The following TRMT9B variants were observed in gnomAD, a reference collection of about 807,000 sequenced individuals.
TRMT9B encodes tRNA methyltransferase 9B (putative), also known as probable tRNA methyltransferase 9B.
A neutral mutation model predicts 11.5 loss-of-function variants in TRMT9B; 16 were observed. That is an observed-to-expected ratio of 1.39 (90% CI 0.94 to 2.11). The LOEUF (loss-of-function observed/expected upper bound fraction) is 2.11. TRMT9B is among the 30% of genes most tolerant of loss of function. The pLI, the probability that TRMT9B is intolerant of heterozygous loss-of-function variation, is 0.00. For synonymous variants in TRMT9B, 274 were observed against 192.4 expected (o/e 1.42, Z -3.51); for missense variants, 941 against 553.8 (o/e 1.70, Z -7.02).
intron 1 of TRMT9B, among the ~76,000 whole-genome samples, chr8:12,966,073 C>T (rs1394356144): frequency 6.6e-6 from 1 of 151,382 alleles, no homozygotes; most frequent in Non-Finnish European, 1.5e-5. Context: ...CACCTATAAT[C>T]CGAGCACTTT....
At chr8:13,012,649 G>C in intron 3 of TRMT9B, 35 bp from the exon 4 acceptor site, 1 of 1,558,108 alleles carries the variant, frequency 6.4e-7, no homozygotes. Flanking sequence ...ATTTTCCATT[G>C]AGGATAGCAT....
rs1450568362 is a variant in TRMT9B at position 13,023,347 on chromosome 8, C to T, written c.*1303C>T. 1 of 167,088 alleles carries T rather than the reference C, an allele frequency of 6.0e-6. No individual in the cohort carries two copies. Among genetic ancestry groups the T allele is most frequent in the Non-Finnish European group, 1.5e-5 (1 of 68,128 alleles). The allele number at this position is 167,088 out of a possible 1,614,324, so 10.4% of individuals were successfully genotyped here. ...TTGGTAGAGGTATGACTTGGATTTG[C>T]TGTATCCTTTAAAATAGTATCTGGG... On this transcript the variant is annotated 3_prime_UTR_variant, in exon 5 of 5. Transcript: ENST00000524591.
At chr8:12,974,009 A>T (rs190452079) in intron 1 of TRMT9B, among the ~76,000 whole-genome samples, 2,819 of 151,906 alleles carry the variant, frequency 0.019, 40 homozygotes, top group Non-Finnish European at 0.026. Flanking sequence ...ATATATTAAA[A>T]TTTTTTTTTT....
At chr8:12,996,531 T>A (rs76842896) in intron 2 of TRMT9B, among the ~76,000 whole-genome samples, 9,591 of 152,278 alleles carry the variant, frequency 0.063, 386 homozygotes, top group African/African-American at 0.11. Context: ...TCACCTGATC[T>A]TTGAACCCAG....
At chr8:13,007,999 T>C (rs1303452075) in intron 3 of TRMT9B, among the ~76,000 whole-genome samples, 1 of 152,238 alleles carries the variant, frequency 6.6e-6, no homozygotes, top group Non-Finnish European at 1.5e-5. Flanking sequence ...TTACATTTCA[T>C]ATATGTATCA....
In TRMT9B at chr8:13,025,110, A is replaced by C. The variant is rs1209338025; in HGVS notation, c.*3066A>C. The C allele has an allele frequency of 1.2e-5, 2 of 166,942 alleles. No individual in the cohort carries two copies. The highest frequency in any genetic ancestry group is 2.9e-5 in the Non-Finnish European group (2 of 68,114). 10.3% of individuals were successfully genotyped at this position (166,942 alleles called of 1,614,324 possible). ...TCTGATCACTTACTTCCTTATTAAT[A>C]CTAGATCACACAGTGTCTTTCTTAT... On this transcript the variant is annotated 3_prime_UTR_variant, in exon 5 of 5. Transcript: ENST00000524591.
At chr8:12,976,063 A>G (rs2128870707) in intron 1 of TRMT9B, among the ~76,000 whole-genome samples, 1 of 152,352 alleles carries the variant, frequency 6.6e-6, no homozygotes, top group South Asian at 2.1e-4. Context: ...ATAGAAAGCC[A>G]GAGAACTAGA....
rs571340671 is a variant in TRMT9B, at chr8:12,996,382, T to C, written c.-2+5351T>C. ...ATGGACTCTATTCTTGGCTGGTTAC[T>C]GGATAATCTGGCATTAGACATTATC... On this transcript the variant is annotated intron_variant, in intron 2 of 4. Transcript: ENST00000524591. Among the ~76,000 whole-genome samples, 168 of 152,380 alleles carry C rather than the reference T, an allele frequency of 1.1e-3. No individual in the cohort carries two copies. In the South Asian group the frequency reaches 0.015, roughly 14 times the overall value.
intron 1 of TRMT9B, among the ~76,000 whole-genome samples, chr8:12,967,533 C>G (rs912385949): frequency 6.6e-6 from 1 of 152,222 alleles, no homozygotes; most frequent in African/African-American, 2.4e-5. Context: ...TACCATTTGA[C>G]CAACTCAGAC....
chr8:12,961,054 T>C (rs971429289), intron 1 of TRMT9B, among the ~76,000 whole-genome samples: 4 of 152,050 alleles, frequency 2.6e-5, no homozygotes, highest in African/African-American at 9.7e-5. Context: ...GGCAGGAGAA[T>C]CGCTTGAACC....
chr8:12,985,473 A>G (rs983423061), intron 1 of TRMT9B, among the ~76,000 whole-genome samples: 2 of 152,154 alleles, frequency 1.3e-5, no homozygotes, highest in African/African-American at 4.8e-5. Flanking sequence ...CCAATCTAGA[A>G]AAGCTAATAT....
At chr8:13,006,162 G>T in intron 2 of TRMT9B, 40 bp from the exon 3 acceptor site, 1 of 1,605,058 alleles carries the variant, frequency 6.2e-7, no homozygotes, top group South Asian at 1.1e-5. Context: ...ATGGTGCATA[G>T]GCTGACCTGC....
intron 4 of TRMT9B, among the ~76,000 whole-genome samples, chr8:13,016,760 C>G (rs1304526576): frequency 6.6e-6 from 1 of 151,118 alleles, no homozygotes; most frequent in African/African-American, 2.4e-5. Context: ...GCTCCTTCCC[C>G]CTTTCCCCAG....
intron 2 of TRMT9B, among the ~76,000 whole-genome samples, chr8:12,992,473 G>C (rs943955020): frequency 2.6e-5 from 4 of 151,994 alleles, no homozygotes; most frequent in African/African-American, 9.7e-5. Context: ...AGGAGGTGTA[G>C]GTTCTAGACT....
chr8:12,987,561 A>T (rs1585218742), intron 1 of TRMT9B, among the ~76,000 whole-genome samples: 1 of 152,150 alleles, frequency 6.6e-6, no homozygotes, highest in African/African-American at 2.4e-5. Context: ...ATGGTGGTAC[A>T]CGCCTATAGT....
chr8:12,971,879 G>T (rs953325493), intron 1 of TRMT9B, among the ~76,000 whole-genome samples: 3 of 151,928 alleles, frequency 2.0e-5, no homozygotes, highest in African/African-American at 7.3e-5. Context: ...TTTGGGCCAG[G>T]CCATGTTTAG....
intron 1 of TRMT9B, among the ~76,000 whole-genome samples, chr8:12,974,048 G>A (rs6994445): frequency 0.33 from 50,573 of 151,874 alleles, 9,238 homozygotes; most frequent in Middle Eastern, 0.57. Context: ...GCAAGCACTT[G>A]TAGTCCCAGC....
intron 2 of TRMT9B, among the ~76,000 whole-genome samples, chr8:13,003,487 G>A (rs1176443022): frequency 1.3e-5 from 2 of 152,090 alleles, no homozygotes; most frequent in Non-Finnish European, 2.9e-5. Flanking sequence ...AATTTAGCCA[G>A]GTAAAGCATA....
At chr8:13,003,624 G>T (rs1198989271) in intron 2 of TRMT9B, among the ~76,000 whole-genome samples, 2 of 151,980 alleles carry the variant, frequency 1.3e-5, no homozygotes, top group African/African-American at 4.8e-5. Flanking sequence ...GGTGAGGCCA[G>T]ATCGGAAAGA....
Sources: allele counts gnomAD v4.1 joint callset (sites outside exome capture counted in the v4.1 genomes callset), GRCh38; gene constraint gnomAD v4.1.1; transcripts MANE v1.5; gene names NCBI Gene and HGNC (gene_info 2026-07-23, HGNC 2026-07-21).